Variants in CDCA7 observed in about 807,000 individuals in gnomAD.
CDCA7 encodes cell division cycle associated 7, also known as cell division cycle-associated protein 7.
CDCA7 carries 28 observed loss-of-function variants against 54.0 expected under a neutral mutation model. The observed-to-expected ratio is 0.52, with a 90% confidence interval of 0.38 to 0.71. CDCA7 has a LOEUF of 0.71. Among genes scored for constraint, CDCA7 ranks in the 30% least tolerant of loss-of-function variants. The pLI, the probability that CDCA7 is intolerant of heterozygous loss-of-function variation, is 0.00. For missense variants in CDCA7, 484 were observed against 586.0 expected, an observed-to-expected ratio of 0.83 and a Z score of 1.80; for synonymous variants, 180 against 208.2, an observed-to-expected ratio of 0.86 and a Z score of 1.16.
intron 1 of CDCA7, among the ~76,000 whole-genome samples, chr2:173,358,016 C>T (rs796331388): frequency 3.9e-5 from 6 of 151,956 alleles, no homozygotes; most frequent in African/African-American, 1.2e-4. Context: ...CTGGCTAACA[C>T]GGTGAAACCC....
In CDCA7 at chr2:173,366,449, G is replaced by A; in HGVS notation, c.1185+17G>A. ...CTGGATCCGGTAGGTGCCTGCCAGG[G>A]GTTGGTCCTGTGGGCTTGAAGGTCA... On this transcript the variant is annotated intron_variant, in intron 8 of 9. Coordinates refer to ENST00000306721, the MANE Select transcript of CDCA7 (RefSeq NM_031942.5). The surrounding 1 kb of genome is among the most constrained non-coding windows in gnomAD (Gnocchi z 4.5). The A allele has an allele frequency of 1.2e-6, 2 of 1,612,796 alleles. No homozygotes were observed. Among genetic ancestry groups the A allele is most frequent in the South Asian group, 1.1e-5 (1 of 90,998 alleles).
chr2:173,366,252 TTTG>T lies in CDCA7; in HGVS notation c.1036-28_1036-26del. ...CCTCTGTTGAAAAACAGTGGTTTTT[TTTG>T]TTTTTTTTCTTAATGGCTTATTTGT... is the stretch of plus-strand genomic sequence containing the variant. On this transcript the variant is annotated intron_variant, in intron 7 of 9. Coordinates refer to ENST00000306721, the MANE Select transcript of CDCA7 (RefSeq NM_031942.5). The surrounding 1 kb of genome is among the most constrained non-coding windows in gnomAD (Gnocchi z 4.5). 4.1e-6 allele frequency: 6 copies of T among 1,476,934 alleles called. No homozygotes were observed. The highest frequency in any genetic ancestry group is 5.4e-6 in the Non-Finnish European group (6 of 1,117,054). 91.5% of individuals were successfully genotyped at this position (1,476,934 alleles called of 1,614,324 possible).
chr2:173,358,185 G>C (rs2106387897), intron 1 of CDCA7, among the ~76,000 whole-genome samples: 1 of 145,318 alleles, frequency 6.9e-6, no homozygotes, highest in East Asian at 2.0e-4. Context: ...GGGCGACACA[G>C]CGAGACTCCG....
At position 173,359,322 on chromosome 2, in the gene CDCA7, A is replaced by C; in HGVS notation, c.215A>C (p.Glu72Ala). ...GTTTTTTATGAGGACTCTGATAATG[A>C]ATCTTTCTGCGGCTTTTCAGAAAGT... ...ANVFYEDSDN[E>A]SFCGFSESEV... Residue 72 changes from glutamate to alanine, a missense_variant, in exon 3 of 10, where the codon GAA (glutamate) becomes GCA (alanine). By Grantham distance (107) the Glu-to-Ala change is moderately radical. Coordinates refer to ENST00000306721, the MANE Select transcript of CDCA7 (RefSeq NM_031942.5). 1 of 1,614,238 alleles carries C rather than the reference A, an allele frequency of 6.2e-7. No individual in the cohort carries two copies. The highest frequency in any genetic ancestry group is 8.5e-7 in the Non-Finnish European group (1 of 1,180,044).
rs1558949866 is a variant in CDCA7 at position 173,363,830 on chromosome 2, A to C, written c.634A>C (p.Met212Leu). Residue 212 changes from methionine (M) to leucine (L), a missense_variant, in exon 5 of 10, where the codon ATG (methionine) becomes CTG (leucine). Met to Leu is a conservative substitution (Grantham distance 15, BLOSUM62 2). Around this residue, in one of 3 missense-constraint regions of CDCA7, gnomAD observed 398 missense variants for 447.4 expected, o/e 0.89. Transcript: ENST00000306721. ...KQNKAMLAKL[M>L]SELESFPGSF... ...CCTCCCTTTTTAGCTTGCAAAACTC[A>C]TGTCTGAATTAGAAAGCTTCCCTGG... is the stretch of plus-strand genomic sequence containing the variant. 1.9e-6 allele frequency: 3 copies of C among 1,614,200 alleles called. No individual in the cohort carries two copies. The South Asian group carries it at 3.3e-5, about 18-fold the overall frequency.
At chr2:173,358,116 C>T (rs1261054909) in intron 1 of CDCA7, among the ~76,000 whole-genome samples, 12 of 149,220 alleles carry the variant, frequency 8.0e-5, no homozygotes, top group African/African-American at 2.2e-4. Context: ...AGGAGAATGG[C>T]GTGAATCCAT....
intron 1 of CDCA7, among the ~76,000 whole-genome samples, chr2:173,357,813 C>T (rs1490746752): frequency 2.0e-5 from 3 of 152,088 alleles, no homozygotes; most frequent in East Asian, 3.9e-4. Context: ...ATTAGGGGCT[C>T]ATAAAGGTGG....
intron 3 of CDCA7, among the ~76,000 whole-genome samples, chr2:173,362,578 CT>C (rs11437572): frequency 1.5e-4 from 21 of 142,994 alleles, no homozygotes; most frequent in East Asian, 2.0e-4. Flanking sequence ...ATTTTTTTCC[CT>C]TTTTTTTTTT....
rs201391282 is a variant in CDCA7, at chr2:173,364,908, C to T, written c.813C>T (p.Asp271=). 4.5e-5 allele frequency: 73 copies of T among 1,609,772 alleles called. No homozygotes were observed. The highest frequency in any genetic ancestry group is 7.8e-5 in the South Asian group (7 of 90,230). ...RSRSRILGSL[D]ALPMEEEEEE... The stretch of plus-strand genomic sequence containing the variant: ...GGTCCCGGATCCTCGGGTCCCTTGA[C>T]GCTCTACCCATGGAGGAGGAGGAGG... The change falls in exon 6 of 10, where the codon GAC becomes GAT. Residue 271 remains aspartate, a synonymous_variant. Coordinates refer to ENST00000306721, the MANE Select transcript of CDCA7 (RefSeq NM_031942.5).
rs1470873498 is a variant in CDCA7, at chr2:173,363,371, C to G, written c.530C>G (p.Ser177Cys). 2 of 1,614,140 alleles carry G rather than the reference C, an allele frequency of 1.2e-6. No homozygotes were observed. The highest frequency in any genetic ancestry group is 4.5e-5 in the East Asian group (2 of 44,878). ...KAESRQPSEN[S>C]VTDSNSDSED... Reference sequence around the variant, plus strand: ...GAGTCCCGCCAGCCCTCAGAGAATTCTGTGACTGATTCCAACTCCGATTCA... The same window carrying G: ...GAGTCCCGCCAGCCCTCAGAGAATTGTGTGACTGATTCCAACTCCGATTCA... The change falls in exon 4 of 10, where the codon TCT becomes TGT. Residue 177 changes from serine to cysteine, a missense_variant. Ser to Cys is a moderately radical substitution (Grantham distance 112, BLOSUM62 -1). Transcript: ENST00000306721.
rs995795386 is a variant in CDCA7, at chr2:173,360,162, T to G, written c.384+671T>G. 2.3e-4 allele frequency among the ~76,000 whole-genome samples: 35 copies of G among 152,250 alleles called. 1 individual carries two copies. Among genetic ancestry groups the G allele is most frequent in the African/African-American group, 7.0e-4 (29 of 41,466 alleles). On this transcript the variant is annotated intron_variant, in intron 3 of 9. Transcript: ENST00000306721. Reference sequence around the variant, plus strand: ...ATCAAGTGCATGCTCTTCAACTCACTGGTCTGACATGGATCCACTGCCTGA... The same window carrying G: ...ATCAAGTGCATGCTCTTCAACTCACGGGTCTGACATGGATCCACTGCCTGA...
At chr2:173,359,601 T>A in intron 3 of CDCA7, 110 bp downstream of exon 3, 1 of 935,760 alleles carries the variant, frequency 1.1e-6, no homozygotes, top group Non-Finnish European at 1.6e-6. Flanking sequence ...CCAGCAGACT[T>A]TGTTGACCTT....
intron 6 of CDCA7, 48 bp from the exon 7 acceptor site, chr2:173,365,404 C>A: frequency 1.3e-6 from 2 of 1,544,904 alleles, no homozygotes; most frequent in Non-Finnish European, 1.8e-6. Flanking sequence ...GAATCTCTTT[C>A]AGTTTTTCAG....
Position 173,367,966 on chromosome 2 carries a change from A to G in CDCA7, c.*302A>G, listed in dbSNP as rs1686754768. The G allele has an allele frequency of 2.3e-6, 1 of 436,370 alleles. No homozygotes were observed. The allele number at this position is 436,370 out of a possible 1,614,324, so 27.0% of individuals were successfully genotyped here. The stretch of plus-strand genomic sequence containing the variant: ...TGAATTTCTTTTAAATTACAGTTTT[A>G]TGAAAGCATATTTTATTTACTTGGT... On this transcript the variant is annotated 3_prime_UTR_variant, in exon 10 of 10. Transcript: ENST00000306721.
At position 173,363,521 on chromosome 2, in the gene CDCA7, A is replaced by C; in HGVS notation, c.621+59A>C. 3.4e-6 allele frequency: 5 copies of C among 1,479,280 alleles called. No individual in the cohort carries two copies. The South Asian group carries it at 3.5e-5, about 10-fold the overall frequency. The allele number at this position is 1,479,280 out of a possible 1,614,324, so 91.6% of individuals were successfully genotyped here. A position where few individuals can be genotyped will look rare whatever the true frequency, so the allele number is the denominator to read the frequency against. On this transcript the variant is annotated intron_variant, in intron 4 of 9. Transcript: ENST00000306721. ...TCCTCTCTAAGCGACTCATTACTTA[A>C]ATCTGTTCCATCACGCAAAAGTTAT...
chr2:173,355,944 A>G (rs927183731), intron 1 of CDCA7, among the ~76,000 whole-genome samples: 1 of 152,158 alleles, frequency 6.6e-6, no homozygotes, highest in Non-Finnish European at 1.5e-5. Flanking sequence ...GAAGAAAACC[A>G]TGTGTAGCTG....
In CDCA7 at chr2:173,367,805, A is replaced by G. The variant is rs925228598; in HGVS notation, c.*141A>G. ...ACTCCAATCAAGTTAATCTTAGCAG[A>G]CATGTGTTTCTGGAGCATCACAGAA... On this transcript the variant is annotated 3_prime_UTR_variant, in exon 10 of 10. Coordinates refer to ENST00000306721, the MANE Select transcript of CDCA7 (RefSeq NM_031942.5). 2.2e-6 allele frequency: 2 copies of G among 926,866 alleles called. No homozygotes were observed. Among genetic ancestry groups the G allele is most frequent in the African/African-American group, 3.3e-5 (2 of 60,702 alleles). 57.4% of individuals were successfully genotyped at this position (926,866 alleles called of 1,614,324 possible). A position where few individuals can be genotyped will look rare whatever the true frequency, so the allele number is the denominator to read the frequency against.
chr2:173,355,544 G>C (rs1686482270), intron 1 of CDCA7, among the ~76,000 whole-genome samples: 1 of 152,206 alleles, frequency 6.6e-6, no homozygotes. Flanking sequence ...CTAGAACTTG[G>C]GCTGCGCACG....
At chr2:173,364,058 A>G (rs1406334979) in intron 5 of CDCA7, 163 bp downstream of exon 5, 2 of 592,894 alleles carry the variant, frequency 3.4e-6, no homozygotes, top group African/African-American at 3.8e-5. Flanking sequence ...TCCTCCTTGA[A>G]TCCTGGGCAG....
Sources: gnomAD v4.1 joint callset for allele counts (sites outside exome capture counted in the v4.1 genomes callset) on GRCh38, gnomAD v4.1.1 for gene constraint, gnomAD v4.1.1 regional missense constraint, Gnocchi (gnomAD v3.1) non-coding constraint, MANE v1.5 for transcripts, NCBI Gene and HGNC (gene_info 2026-07-23, HGNC 2026-07-21) for gene names.